Variants in SLC17A5 observed in about 807,000 individuals in gnomAD.
SLC17A5 encodes the protein solute carrier family 17 member 5, also known as sialin.
In SLC17A5, 47 loss-of-function variants were observed where a neutral mutation model predicts 59.4. That is an observed-to-expected ratio of 0.79 (90% CI 0.63 to 1.01). The LOEUF is 1.01. Among genes scored for constraint, SLC17A5 ranks in the 50% least tolerant of loss-of-function variants. The probability of loss-of-function intolerance (pLI) is 0.00; values close to 1 mark genes in which losing one functional copy is unlikely to be tolerated. For synonymous variants in SLC17A5, 202 were observed against 210.7 expected (o/e 0.96, Z 0.36); for missense variants, 522 against 595.5 (o/e 0.88, Z 1.28).
chr6:73,630,991 A>T (rs1261899375), intron 6 of SLC17A5, among the ~76,000 whole-genome samples: 1 of 150,670 alleles, frequency 6.6e-6, no homozygotes, highest in East Asian at 1.9e-4. Flanking sequence ...TGTTGCAGTG[A>T]GCTGAGATCG....
chr6:73,618,592 C>T (rs1475512697), intron 7 of SLC17A5: 3 of 489,960 alleles, frequency 6.1e-6, no homozygotes, highest in African/African-American at 2.0e-5. Flanking sequence ...GAGGAAGCAG[C>T]ACTAAGAGCA....
chr6:73,646,679 CTT>C (rs377347779), intron 1 of SLC17A5, among the ~76,000 whole-genome samples: 7,204 of 146,020 alleles, frequency 0.049, 496 homozygotes, highest in African/African-American at 0.16. Flanking sequence ...TTTTTTCTTT[CTT>C]TTTTTTTTTA....
chr6:73,606,831 G>A (rs760137199), intron 9 of SLC17A5, among the ~76,000 whole-genome samples: 2 of 152,298 alleles, frequency 1.3e-5, no homozygotes, highest in South Asian at 2.1e-4. Context: ...TTATCTAATT[G>A]TACATCCAAT....
At chr6:73,615,230 A>T in intron 8 of SLC17A5, 85 bp downstream of exon 8, 1 of 1,462,448 alleles carries the variant, frequency 6.8e-7, no homozygotes, top group Non-Finnish European at 9.5e-7. Context: ...TAAAAGTGGG[A>T]AACACACTTT....
intron 9 of SLC17A5, 140 bp downstream of exon 9, chr6:73,610,260 C>T: frequency 3.2e-6 from 3 of 935,892 alleles, no homozygotes; most frequent in Non-Finnish European, 5.0e-6. Flanking sequence ...TCTCAAACTC[C>T]TGACCTCAGG....
At position 73,615,315 on chromosome 6, in the gene SLC17A5, C is replaced by G; in HGVS notation, c.1111G>C (p.Gly371Arg). ...AACAAAACCTGATTGCTTCACTTAC[C>G]TATAAGGCTAAAAATTCTGCGAACA... The part of the protein sequence containing the change: ...LCVRRIFSLI[G>R]MIGPAVFLVA... Residue 371 changes from glycine (G) to arginine (R), a missense_variant and splice_region_variant, in exon 8 of 11, where the codon GGA (glycine) becomes CGA (arginine). Physicochemically the swap from Gly to Arg is moderately radical, Grantham distance 125. Transcript: ENST00000355773. The G allele has an allele frequency of 6.2e-7, 1 of 1,613,982 alleles. No individual in the cohort carries two copies. The highest frequency in any genetic ancestry group is 8.5e-7 in the Non-Finnish European group (1 of 1,179,990).
intron 6 of SLC17A5, among the ~76,000 whole-genome samples, chr6:73,628,574 C>T (rs1409010583): frequency 6.7e-6 from 1 of 150,182 alleles, no homozygotes; most frequent in Admixed American, 6.7e-5. Context: ...CTGTCCTCCC[C>T]ACCCCCACCC....
intron 3 of SLC17A5, among the ~76,000 whole-genome samples, chr6:73,639,943 G>A (rs1769204459): frequency 6.6e-6 from 1 of 152,180 alleles, no homozygotes; most frequent in Non-Finnish European, 1.5e-5. Flanking sequence ...CTACTTGGGA[G>A]GCTGAGGAAG....
chr6:73,641,956 T>C (rs775628718), intron 2 of SLC17A5, 32 bp from the exon 3 acceptor site: 2 of 1,553,506 alleles, frequency 1.3e-6, no homozygotes, highest in African/African-American at 2.7e-5. Context: ...AAAACAATCC[T>C]TTAAGACCTT....
Position 73,616,580 on chromosome 6 carries a change from C to CACACACACA in SLC17A5, c.979-1134_979-1133insTGTGTGTGT, listed in dbSNP as rs60454712. Among the ~76,000 whole-genome samples the CACACACACA allele has an allele frequency of 6.0e-3, 605 of 100,152 alleles. 2 individuals carry two copies. The highest frequency in any genetic ancestry group is 0.011 in the East Asian group (53 of 4,760). 65.7% of individuals were successfully genotyped at this position (100,152 alleles called of 152,430 possible). A position where few individuals can be genotyped will look rare whatever the true frequency, so the allele number is the denominator to read the frequency against. On this transcript the variant is annotated intron_variant, in intron 7 of 10. Transcript: ENST00000355773. ...ACACACACACACACACACACACACA[C>CACACACACA]GTTTATTTTTAACAGAACTGGAGAG...
chr6:73,638,457 C>T lies in SLC17A5; in HGVS notation c.568G>A (p.Ala190Thr). ...AGTTTGCTTCTTTCAAGAGGGGGAG[C>T]CCAAGAAGACCACATGGCATGCATG... ...PAMHAMWSSWAPPLERSKLLS... is the reference protein window; with the variant it reads ...PAMHAMWSSWTPPLERSKLLS... Residue 190 changes from alanine to threonine, a missense_variant, in exon 4 of 11, where the codon GCT becomes ACT. This residue lies in a region of SLC17A5 where 338 missense variants were observed against 363.8 expected (regional missense o/e 0.93). Transcript: ENST00000355773. The T allele has an allele frequency of 3.1e-6, 5 of 1,613,956 alleles. No homozygotes were observed. The highest frequency in any genetic ancestry group is 4.2e-6 in the Non-Finnish European group (5 of 1,179,938).
Position 73,594,828 on chromosome 6 carries a change from A to T in SLC17A5, c.*249T>A. The T allele has an allele frequency of 2.0e-6, 1 of 500,366 alleles. No individual in the cohort carries two copies. 31.0% of individuals were successfully genotyped at this position (500,366 alleles called of 1,614,324 possible). ...AAAATCAACAGAACTGTCCTACTTC[A>T]TGTTGCCCGACTAGCAGGCAGGTAT... is the stretch of plus-strand genomic sequence containing the variant. On this transcript the variant is annotated 3_prime_UTR_variant, in exon 11 of 11. Coordinates refer to ENST00000355773, the MANE Select transcript of SLC17A5 (RefSeq NM_012434.5).
chr6:73,652,431 A>C (rs1395058267), intron 1 of SLC17A5, among the ~76,000 whole-genome samples: 1 of 152,190 alleles, frequency 6.6e-6, no homozygotes, highest in Non-Finnish European at 1.5e-5. Context: ...GATTTTAGCT[A>C]TTCTAGTGGG....
intron 1 of SLC17A5, among the ~76,000 whole-genome samples, chr6:73,650,688 C>G (rs1337560615): frequency 6.8e-6 from 1 of 146,074 alleles, no homozygotes; most frequent in Non-Finnish European, 1.5e-5. Context: ...GAGTGAGATC[C>G]TGAAAAAAAA....
At chr6:73,610,067 CT>C (rs1267387154) in intron 9 of SLC17A5, among the ~76,000 whole-genome samples, 1 of 151,030 alleles carries the variant, frequency 6.6e-6, no homozygotes, top group Non-Finnish European at 1.5e-5. Flanking sequence ...GAGTCTTGCT[CT>C]TGTTGCCCAG....
chr6:73,641,459 TC>T (rs1769280412), intron 3 of SLC17A5, among the ~76,000 whole-genome samples: 1 of 152,204 alleles, frequency 6.6e-6, no homozygotes, highest in Non-Finnish European at 1.5e-5. Flanking sequence ...AAAAGTTTTC[TC>T]TGGTTTTTGA....
intron 3 of SLC17A5, among the ~76,000 whole-genome samples, chr6:73,640,992 T>C (rs1400024132): frequency 1.3e-5 from 2 of 152,168 alleles, no homozygotes; most frequent in Non-Finnish European, 2.9e-5. Flanking sequence ...CAACAGTCTA[T>C]TGTGTAAAAT....
chr6:73,635,652 C>G (rs1460671747), intron 5 of SLC17A5, 152 bp from the exon 6 acceptor site: 2 of 575,396 alleles, frequency 3.5e-6, no homozygotes, highest in Non-Finnish European at 6.1e-6. Flanking sequence ...AAACTGACTT[C>G]AGTTTGGATT....
chr6:73,633,456 T>C (rs1469799924), intron 6 of SLC17A5, among the ~76,000 whole-genome samples: 2 of 151,954 alleles, frequency 1.3e-5, no homozygotes, highest in African/African-American at 4.8e-5. Context: ...GGTCTTGAAC[T>C]CCAGGGCTCA....
Sources: gnomAD v4.1 joint callset for allele counts (sites outside exome capture counted in the v4.1 genomes callset) on GRCh38, gnomAD v4.1.1 for gene constraint, gnomAD v4.1.1 regional missense constraint, MANE v1.5 for transcripts, NCBI Gene and HGNC (gene_info 2026-07-23, HGNC 2026-07-21) for gene names.